Variants in PCDHGA2 observed in about 807,000 individuals in gnomAD.
The protein encoded by PCDHGA2 is protocadherin gamma subfamily A, 2.
PCDHGA2 carries 40 observed loss-of-function variants against 59.2 expected under a neutral mutation model. The ratio of observed to expected loss-of-function variants is 0.68; its 90% CI spans 0.52 to 0.88. The LOEUF (loss-of-function observed/expected upper bound fraction) is 0.88, where lower values mean the gene tolerates loss of function less well. PCDHGA2 is among the 40% of genes least tolerant of loss of function. The probability of loss-of-function intolerance (pLI) is 0.00; values close to 1 mark genes in which losing one functional copy is unlikely to be tolerated. For missense variants in PCDHGA2, 1,226 were observed against 1,204.0 expected (o/e 1.02, Z -0.27); for synonymous variants, 560 against 526.0 (o/e 1.06, Z -0.89).
At chr5:141,403,219 G>A in intron 1 of PCDHGA2, 1 of 1,613,980 alleles carries the variant, frequency 6.2e-7, no homozygotes, top group South Asian at 1.1e-5. Flanking sequence ...CCGCGGGTAG[G>A]ATAGACCGGG....
Position 141,338,855 on chromosome 5 carries a change from C to T in PCDHGA2, c.-117C>T. The stretch of plus-strand genomic sequence containing the variant: ...AATTCAGTCGAACAGCCCACCAGTT[C>T]TCTCCATAGGGACCTGGGTCCCGTG... On this transcript the variant is annotated 5_prime_UTR_variant, in exon 1 of 4. Coordinates refer to ENST00000394576, the MANE Select transcript of PCDHGA2 (RefSeq NM_018915.4). 7.0e-7 allele frequency: 1 copy of T among 1,425,134 alleles called. No individual in the cohort carries two copies. Among genetic ancestry groups the T allele is most frequent in the East Asian group, 2.5e-5 (1 of 39,450 alleles). The allele number at this position is 1,425,134 out of a possible 1,614,324, so 88.3% of individuals were successfully genotyped here. A position where few individuals can be genotyped will look rare whatever the true frequency, so the allele number is the denominator to read the frequency against.
chr5:141,478,434 T>C (rs747890986), intron 1 of PCDHGA2: 2 of 1,613,700 alleles, frequency 1.2e-6, no homozygotes, highest in East Asian at 2.2e-5. Flanking sequence ...GACCCGCTGC[T>C]GAAGAAACCT....
At position 141,431,542 on chromosome 5, in the gene PCDHGA2, G is replaced by C; in HGVS notation, c.2425-63265G>C. On this transcript the variant is annotated intron_variant, in intron 1 of 3. Coordinates refer to ENST00000394576, the MANE Select transcript of PCDHGA2 (RefSeq NM_018915.4). The surrounding 1 kb of genome is among the most constrained non-coding windows in gnomAD (Gnocchi z 4.8). ...AGAATCTGGCCTTGGGCACGCAGCT[G>C]CTTGTAGTCAACGCTACCGACCCTG... The C allele has an allele frequency of 1.9e-6, 3 of 1,614,124 alleles. No homozygotes were observed. The highest frequency in any genetic ancestry group is 1.1e-5 in the South Asian group (1 of 91,086).
At chr5:141,383,926 A>T in intron 1 of PCDHGA2, 1 of 1,613,888 alleles carries the variant, frequency 6.2e-7, no homozygotes. Flanking sequence ...TGTAAATGAT[A>T]ATGCTCCAGA....
In PCDHGA2 at chr5:141,511,186, G is replaced by T; in HGVS notation, c.*13G>T. On this transcript the variant is annotated 3_prime_UTR_variant, in exon 4 of 4. Transcript: ENST00000394576. ...GGAGAAGAAGTAACATGGAGGCCAG[G>T]CCAAGAGCCACAGGGCGGCCTCTCC... 6.2e-7 allele frequency: 1 copy of T among 1,613,906 alleles called. No individual in the cohort carries two copies. The highest frequency in any genetic ancestry group is 2.2e-5 in the East Asian group (1 of 44,876).
intron 1 of PCDHGA2, among the ~76,000 whole-genome samples, chr5:141,434,029 A>C (rs970204484): frequency 2.6e-5 from 4 of 152,126 alleles, no homozygotes; most frequent in Admixed American, 2.6e-4. Context: ...TTCTGGAAGC[A>C]TGGTTTTCTA....
chr5:141,433,162 A>G, intron 1 of PCDHGA2: 1 of 1,613,890 alleles, frequency 6.2e-7, no homozygotes, highest in Non-Finnish European at 8.5e-7. Flanking sequence ...TATTTTCTAA[A>G]GACAGTCATG....
At chr5:141,397,965 C>A in intron 1 of PCDHGA2, 1 of 1,077,484 alleles carries the variant, frequency 9.3e-7, no homozygotes. Flanking sequence ...AGCTCAGACT[C>A]CCCAGCGCCG....
chr5:141,455,787 C>T (rs1259121501), intron 1 of PCDHGA2, among the ~76,000 whole-genome samples: 2 of 152,004 alleles, frequency 1.3e-5, no homozygotes, highest in Non-Finnish European at 2.9e-5. Flanking sequence ...GAAACTTTTC[C>T]GGAGATGCTT....
At position 141,487,681 on chromosome 5, in the gene PCDHGA2, T is replaced by C. The variant is rs754032560; in HGVS notation, c.2425-7126T>C. The stretch of plus-strand genomic sequence containing the variant: ...CTGATCCAGGCATATGGCTAGGCCA[T>C]GTCCTAGAGAGTACTGGCCTCTCAG... On this transcript the variant is annotated intron_variant, in intron 1 of 3. Coordinates refer to ENST00000394576, the MANE Select transcript of PCDHGA2 (RefSeq NM_018915.4). The surrounding 1 kb of genome is among the most constrained non-coding windows in gnomAD (Gnocchi z 5.0). 1.1e-5 allele frequency: 18 copies of C among 1,608,852 alleles called. No individual in the cohort carries two copies. The highest frequency in any genetic ancestry group is 4.5e-5 in the East Asian group (2 of 44,816).
chr5:141,420,980 C>T (rs1463868271), intron 1 of PCDHGA2: 1 of 484,260 alleles, frequency 2.1e-6, no homozygotes, highest in Non-Finnish European at 3.6e-6. Flanking sequence ...AGAATGGGCT[C>T]TAGGCGCCGC....
At chr5:141,351,773 C>T in intron 1 of PCDHGA2, 2 of 1,613,454 alleles carry the variant, frequency 1.2e-6, no homozygotes, top group Non-Finnish European at 1.7e-6. Flanking sequence ...GTCCGTGAGC[C>T]CGCAGAGCGG....
chr5:141,431,916 T>C lies in PCDHGA2; in HGVS notation c.2425-62891T>C, dbSNP rs2097428336. 1 of 1,614,056 alleles carries C rather than the reference T, an allele frequency of 6.2e-7. No homozygotes were observed. Among genetic ancestry groups the C allele is most frequent in the Middle Eastern group, 1.6e-4 (1 of 6,062 alleles). ...GAAAACGGACAGGTGATCTGTTTCA[T>C]CCAAGGAAATCTGCCCTTTAAATTA... On this transcript the variant is annotated intron_variant, in intron 1 of 3. Transcript: ENST00000394576. The surrounding 1 kb of genome is among the most constrained non-coding windows in gnomAD (Gnocchi z 4.8).
chr5:141,384,924 G>A (rs1467129756), intron 1 of PCDHGA2: 2 of 1,613,840 alleles, frequency 1.2e-6, no homozygotes, highest in African/African-American at 2.7e-5. Flanking sequence ...TGGCCGACCT[G>A]GGCAGCCTTG....
At chr5:141,388,733 A>G in intron 1 of PCDHGA2, 1 of 1,613,986 alleles carries the variant, frequency 6.2e-7, no homozygotes, top group Non-Finnish European at 8.5e-7. Context: ...CTTTCAGTGA[A>G]GCTAGCCAGA....
At chr5:141,463,847 G>T (rs922334975) in intron 1 of PCDHGA2, among the ~76,000 whole-genome samples, 9 of 152,158 alleles carry the variant, frequency 5.9e-5, no homozygotes, top group African/African-American at 2.2e-4. Context: ...TGTTATAGTG[G>T]TATATCTGGT....
Position 141,491,984 on chromosome 5 carries a change from C to G in PCDHGA2, c.2425-2823C>G. 1.4e-6 allele frequency: 1 copy of G among 734,256 alleles called. No homozygotes were observed. The highest frequency in any genetic ancestry group is 3.2e-5 in the East Asian group (1 of 31,678). The allele number at this position is 734,256 out of a possible 1,614,324, so 45.5% of individuals were successfully genotyped here. ...AAGGCCGGGGCCTCCTTCGAGCTTC[C>G]GGTGAATTTCGGGCGATTTCCGCGG... On this transcript the variant is annotated intron_variant, in intron 1 of 3. Coordinates refer to ENST00000394576, the MANE Select transcript of PCDHGA2 (RefSeq NM_018915.4). The surrounding 1 kb of genome is among the most constrained non-coding windows in gnomAD (Gnocchi z 6.9).
chr5:141,423,940 G>A (rs937456850), intron 1 of PCDHGA2: 1 of 1,217,098 alleles, frequency 8.2e-7, no homozygotes, highest in Non-Finnish European at 1.0e-6. Flanking sequence ...TTTGAAGTAA[G>A]TTGAATTTTA....
intron 1 of PCDHGA2, among the ~76,000 whole-genome samples, chr5:141,425,551 T>C (rs1472337722): frequency 1.3e-5 from 2 of 152,270 alleles, no homozygotes. Context: ...CAGAAACCTC[T>C]TTTATAAGTG....
Sources: gnomAD v4.1 joint callset for allele counts (sites outside exome capture counted in the v4.1 genomes callset) on GRCh38, gnomAD v4.1.1 for gene constraint, Gnocchi (gnomAD v3.1) non-coding constraint, MANE v1.5 for transcripts, NCBI Gene and HGNC (gene_info 2026-07-23, HGNC 2026-07-21) for gene names.